TENM3: variants seen among roughly 807,000 people sequenced by gnomAD.
The protein encoded by TENM3 is teneurin transmembrane protein 3.
In TENM3, 63 loss-of-function variants were observed where a neutral mutation model predicts 255.1. The observed-to-expected ratio is 0.25, with a 90% confidence interval of 0.20 to 0.30. The LOEUF (loss-of-function observed/expected upper bound fraction) is 0.30, where lower values mean the gene tolerates loss of function less well. Ranked by LOEUF, TENM3 falls within the 10% of genes least tolerant of loss-of-function variation. The probability of loss-of-function intolerance (pLI) is 1.00; values close to 1 mark genes in which losing one functional copy is unlikely to be tolerated. For missense variants in TENM3, 2,929 were observed against 3,461.1 expected (o/e 0.85, Z 3.86); for synonymous variants, 1,306 against 1,322.3 (o/e 0.99, Z 0.27).
intron 3 of TENM3, among the ~76,000 whole-genome samples, chr4:182,485,261 A>T (rs1734586115): frequency 6.6e-6 from 1 of 152,176 alleles, no homozygotes; most frequent in Non-Finnish European, 1.5e-5. Context: ...AAAACTGCTG[A>T]TACTGGAGTT....
At chr4:182,532,935 T>C (rs1049385031) in intron 3 of TENM3, among the ~76,000 whole-genome samples, 2 of 152,184 alleles carry the variant, frequency 1.3e-5, no homozygotes, top group Non-Finnish European at 2.9e-5. Context: ...GCAAAATCAA[T>C]CCGATGTGGA....
intron 11 of TENM3, among the ~76,000 whole-genome samples, chr4:182,685,585 T>C (rs1215926916): frequency 6.6e-6 from 1 of 152,164 alleles, no homozygotes. Context: ...GTTGAGTTTT[T>C]ACCTACACTA....
chr4:181,655,130 T>G, the TENM3 span, among the ~76,000 whole-genome samples: 1 of 152,188 alleles, frequency 6.6e-6, no homozygotes, highest in Non-Finnish European at 1.5e-5. Flanking sequence ...AATCAACTTC[T>G]GGAATCATCC....
At chr4:182,580,147 G>A (rs1745342432) in intron 3 of TENM3, among the ~76,000 whole-genome samples, 1 of 149,608 alleles carries the variant, frequency 6.7e-6, no homozygotes, top group Non-Finnish European at 1.5e-5. Flanking sequence ...TTGTAGTCTA[G>A]GGAGTTTAAT....
intron 1 of TENM3, among the ~76,000 whole-genome samples, chr4:182,262,864 C>T (rs557251460): frequency 1.4e-3 from 208 of 152,062 alleles, no homozygotes; most frequent in Non-Finnish European, 2.3e-3. Flanking sequence ...CAGGCACCCA[C>T]CACCACGCCC....
chr4:182,656,093 G>C (rs1237396728), intron 6 of TENM3, among the ~76,000 whole-genome samples: 1 of 152,114 alleles, frequency 6.6e-6, no homozygotes, highest in Non-Finnish European at 1.5e-5. Flanking sequence ...ATACAGTTCT[G>C]TGCACCTTTA....
chr4:181,585,396 A>G, the TENM3 span, among the ~76,000 whole-genome samples: 4 of 152,160 alleles, frequency 2.6e-5, no homozygotes, highest in Admixed American at 2.0e-4. Flanking sequence ...ATCGGTCAGG[A>G]AAAATGTTTG....
intron 3 of TENM3, among the ~76,000 whole-genome samples, chr4:182,529,902 A>G (rs909493025): frequency 6.6e-6 from 1 of 152,220 alleles, no homozygotes; most frequent in Admixed American, 6.5e-5. Flanking sequence ...GGCTCTAGTG[A>G]GGAGAGACCA....
chr4:181,529,840 G>T, the TENM3 span, among the ~76,000 whole-genome samples: 4 of 152,182 alleles, frequency 2.6e-5, no homozygotes, highest in Admixed American at 2.6e-4. Context: ...GAATTAAGCA[G>T]AATTGGACTG....
intron 13 of TENM3, among the ~76,000 whole-genome samples, chr4:182,719,945 G>C (rs6552600): frequency 1 from 151,834 of 152,094 alleles, 75,787 homozygotes; most frequent in Middle Eastern, 1. Flanking sequence ...CCTGTAGTCC[G>C]AGCTACTCAG....
the TENM3 span, among the ~76,000 whole-genome samples, chr4:181,909,627 T>C: frequency 1.3e-5 from 2 of 152,042 alleles, no homozygotes; most frequent in African/African-American, 4.8e-5. Context: ...TGTTCATGTA[T>C]CATCTAGTAA....
chr4:181,773,914 T>C, the TENM3 span, among the ~76,000 whole-genome samples: 1 of 151,998 alleles, frequency 6.6e-6, no homozygotes, highest in Non-Finnish European at 1.5e-5. Flanking sequence ...GAAATAGACA[T>C]TGAGCCTCTT....
Position 182,793,337 on chromosome 4 carries a change from G to A in TENM3, c.6665G>A (p.Gly2222Asp). The change falls in exon 26 of 28, where the codon GGC becomes GAC. Residue 2222 changes from glycine (G) to aspartate (D), a missense_variant. This residue lies in a region of TENM3 where 256 missense variants were observed against 389.3 expected (regional missense o/e 0.66). Transcript: ENST00000511685. This position sits in a 1 kb window ranked among gnomAD's most constrained non-coding sequence, Gnocchi z 5.7. ...ACTCGAGTTTACAGTAAAGGCAGTG[G>A]CTGGACAGTGATCTACCGTTATGAC... ...LLTRVYSKGS[G>D]WTVIYRYDGL... The A allele has an allele frequency of 6.2e-7, 1 of 1,613,750 alleles. No individual in the cohort carries two copies. The highest frequency in any genetic ancestry group is 8.5e-7 in the Non-Finnish European group (1 of 1,179,690).
At chr4:182,363,131 AC>A (rs1238974949) in intron 3 of TENM3, among the ~76,000 whole-genome samples, 1 of 152,116 alleles carries the variant, frequency 6.6e-6, no homozygotes, top group African/African-American at 2.4e-5. Flanking sequence ...CTTCTATAAA[AC>A]TGTGAAACTG....
intron 1 of TENM3, among the ~76,000 whole-genome samples, chr4:182,216,836 A>G (rs1455935624): frequency 6.6e-6 from 1 of 152,108 alleles, no homozygotes; most frequent in Non-Finnish European, 1.5e-5. Flanking sequence ...AAATCCTGAA[A>G]ACGATTCAGG....
chr4:182,449,175 G>C lies in TENM3; in HGVS notation c.511+102246G>C, dbSNP rs1348833055. On this transcript the variant is annotated intron_variant, in intron 3 of 27. Transcript: ENST00000511685. Reference sequence around the variant, plus strand: ...CCCCGCGCGGCAGGGTCGCTCGCTCGCTCCGGGGACCGCGGCGGTGGCGGT... The same window carrying C: ...CCCCGCGCGGCAGGGTCGCTCGCTCCCTCCGGGGACCGCGGCGGTGGCGGT... 5 of 158,738 alleles carry C rather than the reference G, an allele frequency of 3.1e-5. No homozygotes were observed. The East Asian group carries it at 7.7e-4, about 24-fold the overall frequency. The allele number at this position is 158,738 out of a possible 1,614,324, so 9.8% of individuals were successfully genotyped here.
chr4:181,478,483 C>T, the TENM3 span, among the ~76,000 whole-genome samples: 12 of 152,184 alleles, frequency 7.9e-5, no homozygotes, highest in Admixed American at 6.5e-4. Context: ...CAGGGATCAC[C>T]ATGAAAGCCC....
chr4:182,358,187 A>G (rs960728064), intron 3 of TENM3, among the ~76,000 whole-genome samples: 2 of 150,534 alleles, frequency 1.3e-5, no homozygotes, highest in Non-Finnish European at 3.0e-5. Flanking sequence ...CTTAGGATTG[A>G]CTTGGCGATG....
the TENM3 span, among the ~76,000 whole-genome samples, chr4:181,698,053 A>G: frequency 6.6e-6 from 1 of 151,918 alleles, no homozygotes; most frequent in Admixed American, 6.6e-5. Context: ...TCTCTACTAA[A>G]AATACAAAAA....
Sources: allele counts gnomAD v4.1 joint callset (sites outside exome capture counted in the v4.1 genomes callset), GRCh38; gene constraint gnomAD v4.1.1; regional missense constraint gnomAD v4.1.1; non-coding constraint Gnocchi (gnomAD v3.1); transcripts MANE v1.5; gene names NCBI Gene and HGNC (gene_info 2026-07-23, HGNC 2026-07-21).